Variants in SCO1 observed in about 807,000 individuals in gnomAD.
SCO1 encodes the protein synthesis of cytochrome C oxidase 1, also known as cytochrome c oxidase assembly factor SCO1.
SCO1 carries 23 observed loss-of-function variants against 34.0 expected under a neutral mutation model. The ratio of observed to expected loss-of-function variants is 0.68; its 90% CI spans 0.49 to 0.96. SCO1 has a LOEUF of 0.96. Among genes scored for constraint, SCO1 ranks in the 40% least tolerant of loss-of-function variants. The pLI, the probability that SCO1 is intolerant of heterozygous loss-of-function variation, is 0.00. For synonymous variants in SCO1, 161 were observed against 145.5 expected, an observed-to-expected ratio of 1.11 and a Z score of -0.77; for missense variants, 404 against 381.6, an observed-to-expected ratio of 1.06 and a Z score of -0.49.
intron 2 of SCO1, among the ~76,000 whole-genome samples, chr17:10,693,718 CAAAG>C (rs1016436295): frequency 6.6e-6 from 1 of 152,062 alleles, no homozygotes; most frequent in African/African-American, 2.4e-5. Flanking sequence ...AGGGTTGCGG[CAAAG>C]AAAGTGTAAA....
At chr17:10,688,197 C>T (rs1024000323) in intron 4 of SCO1, among the ~76,000 whole-genome samples, 2 of 152,106 alleles carry the variant, frequency 1.3e-5, no homozygotes, top group African/African-American at 4.8e-5. Flanking sequence ...GTTTGAAAGG[C>T]ACTGTTAAGA....
chr17:10,682,807 A>G (rs2074630835), intron 5 of SCO1, among the ~76,000 whole-genome samples: 1 of 152,182 alleles, frequency 6.6e-6, no homozygotes, highest in Non-Finnish European at 1.5e-5. Context: ...ATTCTTTCAC[A>G]TGTCATCTTA....
At chr17:10,691,150 A>G (rs566852463) in intron 4 of SCO1, among the ~76,000 whole-genome samples, 1 of 152,276 alleles carries the variant, frequency 6.6e-6, no homozygotes, top group East Asian at 1.9e-4. Flanking sequence ...GACAGAGTCT[A>G]GCTCTGTTGC....
chr17:10,681,159 G>A lies in SCO1; in HGVS notation c.866C>T (p.Ser289Leu). Residue 289 changes from serine to leucine, a missense_variant, in exon 6 of 6, where the codon TCA becomes TTA. Transcript: ENST00000255390. ...GTATGGCCTCATGTGTGTGGCAATT[G>A]AAGCAGCTATTTCTCCCTTCCTCTT... ...QNKRKGEIAA[S>L]IATHMRPYRK... 1.2e-6 allele frequency: 2 copies of A among 1,614,180 alleles called. No individual in the cohort carries two copies. The highest frequency in any genetic ancestry group is 1.7e-6 in the Non-Finnish European group (2 of 1,180,034).
intron 3 of SCO1, 128 bp downstream of exon 3, chr17:10,692,636 T>G (rs1317095017): frequency 1.3e-6 from 1 of 779,794 alleles, no homozygotes; most frequent in African/African-American, 1.7e-5. Context: ...ACAAGCCAAA[T>G]GCTGAGATTT....
intron 1 of SCO1, 25 bp downstream of exon 1, chr17:10,697,210 A>T (rs918117410): frequency 6.6e-7 from 1 of 1,507,958 alleles, no homozygotes; most frequent in Non-Finnish European, 8.9e-7. Flanking sequence ...GACGAGCACC[A>T]GAAGGGTTCC....
At chr17:10,693,540 T>C (rs2074703203) in intron 2 of SCO1, among the ~76,000 whole-genome samples, 1 of 152,224 alleles carries the variant, frequency 6.6e-6, no homozygotes, top group South Asian at 2.1e-4. Flanking sequence ...CTTCTATCTA[T>C]ATAGATATAA....
intron 5 of SCO1, among the ~76,000 whole-genome samples, chr17:10,685,580 A>T (rs1411033429): frequency 6.6e-6 from 1 of 152,206 alleles, no homozygotes; most frequent in Non-Finnish European, 1.5e-5. Flanking sequence ...GTTCCTTATC[A>T]TTAAAAAGCA....
chr17:10,695,603 A>G, intron 2 of SCO1, 138 bp downstream of exon 2: 1 of 645,304 alleles, frequency 1.5e-6, no homozygotes, highest in Non-Finnish European at 2.8e-6. Flanking sequence ...AAAGGTATGT[A>G]GAACCTATGC....
chr17:10,683,235 T>C (rs1054308153), intron 5 of SCO1, among the ~76,000 whole-genome samples: 1 of 152,168 alleles, frequency 6.6e-6, no homozygotes, highest in Non-Finnish European at 1.5e-5. Flanking sequence ...TTATTTTTTT[T>C]ATACACAAGT....
chr17:10,692,929 T>C lies in SCO1; in HGVS notation c.397A>G (p.Lys133Glu). The C allele has an allele frequency of 6.2e-7, 1 of 1,614,066 alleles. No individual in the cohort carries two copies. ...LEKERQRHIG[K>E]PLLGGPFSLT... Reference sequence around the variant, plus strand: ...GAAAACGGTCCCCCAAGTAAAGGCTTGCCGATGTGTCGCTGCCGTTCCTTC... The same window carrying C: ...GAAAACGGTCCCCCAAGTAAAGGCTCGCCGATGTGTCGCTGCCGTTCCTTC... Residue 133 changes from lysine to glutamate, a missense_variant, in exon 3 of 6, where the codon AAG becomes GAG. Transcript: ENST00000255390.
chr17:10,686,333 A>G (rs1187657131), intron 5 of SCO1, among the ~76,000 whole-genome samples: 1 of 152,078 alleles, frequency 6.6e-6, no homozygotes, highest in African/African-American at 2.4e-5. Context: ...TCACGTCTGT[A>G]ATCCCAGTAC....
chr17:10,683,833 A>G (rs1275930850), intron 5 of SCO1: 3 of 152,216 alleles, frequency 2.0e-5, no homozygotes, highest in South Asian at 4.1e-4. Flanking sequence ...GTCCACTCAA[A>G]AGCCAGAAGC....
chr17:10,681,234 A>G lies in SCO1; in HGVS notation c.791T>C (p.Met264Thr). 6.2e-7 allele frequency: 1 copy of G among 1,614,128 alleles called. No homozygotes were observed. Among genetic ancestry groups the G allele is most frequent in the Non-Finnish European group, 8.5e-7 (1 of 1,180,010 alleles). Residue 264 changes from methionine (M) to threonine (T), a missense_variant, in exon 6 of 6, where the codon ATG becomes ACG. By Grantham distance (81) the Met-to-Thr change is moderately conservative. Transcript: ENST00000255390. ...CTCACCATCTGGTCCAATCAAGTACATTATTATTGTGTGATCCACCTGCAG... is the reference window on the plus strand; with the variant it reads ...CTCACCATCTGGTCCAATCAAGTACGTTATTATTGTGTGATCCACCTGCAG... The part of the protein sequence containing the change: ...EDYIVDHTII[M>T]YLIGPDGEFL...
rs2074599360 is a variant in SCO1 at position 10,678,815 on chromosome 17, TCA to T, written c.*2302_*2303del. ...GCTAAAACAACAGACATTTATTTCC[TCA>T]CAGTTCTGGAGCTTGGAAGGCAAAA... On this transcript the variant is annotated 3_prime_UTR_variant, in exon 6 of 6. Transcript: ENST00000255390. The T allele has an allele frequency of 6.6e-6, 1 of 151,954 alleles. No individual in the cohort carries two copies. Among genetic ancestry groups the T allele is most frequent in the South Asian group, 2.1e-4 (1 of 4,826 alleles). The allele number at this position is 151,954 out of a possible 1,614,324, so 9.4% of individuals were successfully genotyped here.
rs2074600352 is a variant in SCO1, at chr17:10,678,879, T to TC, written c.*2239dup. 1 of 150,670 alleles carries TC rather than the reference T, an allele frequency of 6.6e-6. No homozygotes were observed. Among genetic ancestry groups the TC allele is most frequent in the African/African-American group, 2.5e-5 (1 of 40,312 alleles). The allele number at this position is 150,670 out of a possible 1,614,324, so 9.3% of individuals were successfully genotyped here. ...AGCAGGGTTTGTTTTTTTTTTTTTT[T>TC]CTCACAACTTCTCTCTTGGCTTGTA... On this transcript the variant is annotated 3_prime_UTR_variant, in exon 6 of 6. Coordinates refer to ENST00000255390, the MANE Select transcript of SCO1 (RefSeq NM_004589.4).
rs2074583112 is a variant in SCO1, at chr17:10,676,672, C to G, written c.*4447G>C. The G allele has an allele frequency of 6.6e-6, 1 of 152,080 alleles. No individual in the cohort carries two copies. The highest frequency in any genetic ancestry group is 6.5e-5 in the Admixed American group (1 of 15,274). The allele number at this position is 152,080 out of a possible 1,614,324, so 9.4% of individuals were successfully genotyped here. A position where few individuals can be genotyped will look rare whatever the true frequency, so the allele number is the denominator to read the frequency against. On this transcript the variant is annotated 3_prime_UTR_variant, in exon 6 of 6. Coordinates refer to ENST00000255390, the MANE Select transcript of SCO1 (RefSeq NM_004589.4). Reference sequence around the variant, plus strand: ...GCACAGAGTCAGTGACTTTAAGGCCCCTTATGAGGGGGACATTAGCATCCT... The same window carrying G: ...GCACAGAGTCAGTGACTTTAAGGCCGCTTATGAGGGGGACATTAGCATCCT...
intron 5 of SCO1, among the ~76,000 whole-genome samples, chr17:10,683,747 T>A (rs2662955): frequency 0.04 from 6,042 of 150,326 alleles, 395 homozygotes; most frequent in African/African-American, 0.13. Flanking sequence ...TATATATATA[T>A]AATACAATAA....
At chr17:10,694,621 T>A (rs1260542292) in intron 2 of SCO1, among the ~76,000 whole-genome samples, 1 of 152,162 alleles carries the variant, frequency 6.6e-6, no homozygotes, top group East Asian at 1.9e-4. Context: ...AAATAAATAC[T>A]CTCAAATTAT....
Sources: allele counts gnomAD v4.1 joint callset (sites outside exome capture counted in the v4.1 genomes callset), GRCh38; gene constraint gnomAD v4.1.1; transcripts MANE v1.5; gene names NCBI Gene and HGNC (gene_info 2026-07-23, HGNC 2026-07-21).